Variants in CHRM3 observed in about 807,000 individuals in gnomAD.
CHRM3 encodes the protein muscarinic acetylcholine receptor M3.
Under a neutral mutation model 41.8 loss-of-function variants are expected in CHRM3, and 11 were observed. The ratio of observed to expected loss-of-function variants is 0.26; its 90% confidence interval spans 0.17 to 0.44. The LOEUF (loss-of-function observed/expected upper bound fraction) is 0.44. Among genes scored for constraint, CHRM3 ranks in the 20% least tolerant of loss-of-function variants. CHRM3 has a pLI of 1.00. For missense variants in CHRM3, 571 were observed against 745.4 expected (o/e 0.77, Z 2.72); for synonymous variants, 297 against 301.4 (o/e 0.99, Z 0.15).
intron 5 of CHRM3, among the ~76,000 whole-genome samples, chr1:239,792,400 C>A (rs1669422515): frequency 6.6e-6 from 1 of 152,132 alleles, no homozygotes; most frequent in South Asian, 2.1e-4. Flanking sequence ...TACTGTTCAT[C>A]CCTTAGTCAA....
intron 6 of CHRM3, among the ~76,000 whole-genome samples, chr1:239,894,400 G>A (rs1558217336): frequency 6.6e-6 from 1 of 152,148 alleles, no homozygotes; most frequent in African/African-American, 2.4e-5. Flanking sequence ...GGAAGCAGGA[G>A]AGAAGATTCC....
At chr1:239,785,487 G>A (rs931434311) in intron 5 of CHRM3, among the ~76,000 whole-genome samples, 21 of 152,266 alleles carry the variant, frequency 1.4e-4, no homozygotes, top group African/African-American at 4.6e-4. Flanking sequence ...GTCTGCATGC[G>A]TGAAGACCAC....
intron 1 of CHRM3, among the ~76,000 whole-genome samples, chr1:239,428,116 A>G (rs527271566): frequency 3.3e-5 from 5 of 152,246 alleles, no homozygotes; most frequent in Non-Finnish European, 7.4e-5. Context: ...CCCTGATTCT[A>G]CAAGCACGTG....
intron 5 of CHRM3, among the ~76,000 whole-genome samples, chr1:239,744,682 G>A (rs527965907): frequency 7.9e-5 from 12 of 152,254 alleles, no homozygotes; most frequent in East Asian, 3.9e-4. Context: ...TTCATTTTAC[G>A]TGCTCATTGA....
At chr1:239,707,505 A>G (rs1028449815) in intron 5 of CHRM3, 4 of 152,212 alleles carry the variant, frequency 2.6e-5, no homozygotes, top group African/African-American at 9.6e-5. Context: ...TTGGAAGTGA[A>G]TAAAATATAC....
rs369105710 is a variant in CHRM3 at position 239,542,335 on chromosome 1, C to A, written c.-421-3306C>A. Among the ~76,000 whole-genome samples, 7 of 152,034 alleles carry A rather than the reference C, an allele frequency of 4.6e-5. No homozygotes were observed. In the East Asian group the frequency reaches 7.7e-4, roughly 17 times the overall value. On this transcript the variant is annotated intron_variant, in intron 2 of 6. Transcript: ENST00000676153. Reference sequence around the variant, plus strand: ...AGTTTACCAGATAAATAGAGAGGCACCCCAAATTAGAAGATGTTATCTACT... The same window carrying A: ...AGTTTACCAGATAAATAGAGAGGCAACCCAAATTAGAAGATGTTATCTACT...
chr1:239,838,423 A>G (rs550190308), intron 6 of CHRM3, among the ~76,000 whole-genome samples: 1 of 152,146 alleles, frequency 6.6e-6, no homozygotes, highest in African/African-American at 2.4e-5. Context: ...ACAACTCTAC[A>G]ATATATAGGT....
At chr1:239,610,253 T>G (rs1272752793) in intron 3 of CHRM3, among the ~76,000 whole-genome samples, 1 of 151,250 alleles carries the variant, frequency 6.6e-6, no homozygotes, top group Non-Finnish European at 1.5e-5. Flanking sequence ...AAATCACCTT[T>G]TTATCCCTAA....
At chr1:239,509,522 A>C (rs1365698297) in intron 2 of CHRM3, among the ~76,000 whole-genome samples, 1 of 152,200 alleles carries the variant, frequency 6.6e-6, no homozygotes. Flanking sequence ...TGATAACCCC[A>C]GCCAAGAAGC....
chr1:239,414,720 C>G (rs951589343), intron 1 of CHRM3, among the ~76,000 whole-genome samples: 1 of 152,152 alleles, frequency 6.6e-6, no homozygotes. Flanking sequence ...TTATGCAAAG[C>G]GTGCTGGTCA....
At chr1:239,453,743 T>G (rs1160110288) in intron 1 of CHRM3, among the ~76,000 whole-genome samples, 1 of 152,190 alleles carries the variant, frequency 6.6e-6, no homozygotes. Flanking sequence ...AATATGTCTG[T>G]TGAGCAGCAG....
intron 1 of CHRM3, among the ~76,000 whole-genome samples, chr1:239,488,465 C>T (rs1048916434): frequency 6.6e-6 from 1 of 151,880 alleles, no homozygotes; most frequent in Admixed American, 6.6e-5. Flanking sequence ...CCTGTAATCC[C>T]AGCACTTTGG....
intron 5 of CHRM3, among the ~76,000 whole-genome samples, chr1:239,680,186 TCCAATAG>T (rs1020205674): frequency 3.9e-5 from 6 of 152,108 alleles, no homozygotes; most frequent in Non-Finnish European, 5.9e-5. Context: ...CCGTGCTTCA[TCCAATAG>T]CCAGAGTAAT....
chr1:239,640,367 A>G (rs1244299561), intron 4 of CHRM3, among the ~76,000 whole-genome samples: 3 of 152,286 alleles, frequency 2.0e-5, no homozygotes, highest in East Asian at 3.9e-4. Flanking sequence ...TACCTCTAGT[A>G]GAATTCGGCT....
chr1:239,596,222 G>A lies in CHRM3; in HGVS notation c.-312-36002G>A, dbSNP rs139349927. Among the ~76,000 whole-genome samples, 12 of 152,246 alleles carry A rather than the reference G, an allele frequency of 7.9e-5. No individual in the cohort carries two copies. In the East Asian group the frequency reaches 2.3e-3, roughly 29 times the overall value. On this transcript the variant is annotated intron_variant, in intron 3 of 6. Transcript: ENST00000676153. ...CCATCTCTGACTCTTTACATGAAAGGCATTTACAGCTCCTGGGACATTTCA... is the reference window on the plus strand; with the variant it reads ...CCATCTCTGACTCTTTACATGAAAGACATTTACAGCTCCTGGGACATTTCA...
At chr1:239,541,411 G>A (rs930387586) in intron 2 of CHRM3, among the ~76,000 whole-genome samples, 1 of 152,154 alleles carries the variant, frequency 6.6e-6, no homozygotes, top group Non-Finnish European at 1.5e-5. Flanking sequence ...ATAAAATGAG[G>A]AGATTTATTT....
chr1:239,431,290 T>C (rs1277305293), intron 1 of CHRM3, among the ~76,000 whole-genome samples: 5 of 152,166 alleles, frequency 3.3e-5, no homozygotes, highest in African/African-American at 9.7e-5. Context: ...GATTTTTTGT[T>C]CTAGTAATCC....
chr1:239,460,533 A>G (rs1388415328), intron 1 of CHRM3, among the ~76,000 whole-genome samples: 1 of 151,972 alleles, frequency 6.6e-6, no homozygotes, highest in Non-Finnish European at 1.5e-5. Context: ...TCCTCTTTCT[A>G]TATTATTCAT....
intron 6 of CHRM3, among the ~76,000 whole-genome samples, chr1:239,835,003 C>G (rs377704499): frequency 1.3e-5 from 2 of 152,038 alleles, no homozygotes; most frequent in Non-Finnish European, 1.5e-5. Context: ...TGGTTATAGG[C>G]GAATTAGTTC....
Sources: allele counts gnomAD v4.1 joint callset (sites outside exome capture counted in the v4.1 genomes callset), GRCh38; gene constraint gnomAD v4.1.1; transcripts MANE v1.5; gene names NCBI Gene and HGNC (gene_info 2026-07-23, HGNC 2026-07-21).